Variants in QKI observed in about 807,000 individuals in gnomAD.
QKI encodes the protein QKI, KH domain containing RNA binding.
QKI carries 10 observed loss-of-function variants against 39.0 expected under a neutral mutation model. The observed-to-expected ratio is 0.26, with a 90% CI of 0.16 to 0.43. The LOEUF is 0.43. QKI is among the 20% of genes least tolerant of loss of function. The pLI, the probability that QKI is intolerant of heterozygous loss-of-function variation, is 1.00. For synonymous variants in QKI, 204 were observed against 155.4 expected, an observed-to-expected ratio of 1.31 and a Z score of -2.33; for missense variants, 218 against 428.0, an observed-to-expected ratio of 0.51 and a Z score of 4.33.
At chr6:163,569,554 G>A in intron 7 of QKI, 1 of 1,189,922 alleles carries the variant, frequency 8.4e-7, no homozygotes, top group Non-Finnish European at 1.1e-6. Flanking sequence ...GTTTGGTGAA[G>A]CAGAATGTGA....
At chr6:163,495,537 ATAGT>A (rs1300842366) in intron 3 of QKI, among the ~76,000 whole-genome samples, 2 of 152,152 alleles carry the variant, frequency 1.3e-5, no homozygotes, top group East Asian at 1.9e-4. Flanking sequence ...ATTCTTTTAC[ATAGT>A]TACTTTATCA....
At chr6:163,494,079 A>G (rs1318799904) in intron 3 of QKI, among the ~76,000 whole-genome samples, 5 of 151,146 alleles carry the variant, frequency 3.3e-5, no homozygotes, top group African/African-American at 7.3e-5. Flanking sequence ...TTGGCCCTCC[A>G]TACTGCAGGC....
chr6:163,486,017 A>G (rs568903138), intron 3 of QKI, among the ~76,000 whole-genome samples: 114 of 152,360 alleles, frequency 7.5e-4, no homozygotes, highest in Admixed American at 4.3e-3. Flanking sequence ...CCTGGGCCGC[A>G]TGCGGCCTAT....
rs35897463 is a variant in QKI at position 163,474,787 on chromosome 6, T to TAAAAAAAAAAA, written c.286-3983_286-3973dup. Among the ~76,000 whole-genome samples the TAAAAAAAAAAA allele has an allele frequency of 1.8e-5, 2 of 108,632 alleles. 1 individual carries two copies. The highest frequency in any genetic ancestry group is 3.6e-5 in the Non-Finnish European group (2 of 55,794). The allele number at this position is 108,632 out of a possible 152,430, so 71.3% of individuals were successfully genotyped here. On this transcript the variant is annotated intron_variant, in intron 2 of 7. Coordinates refer to ENST00000361752, the MANE Select transcript of QKI (RefSeq NM_006775.3). ...TGAGACCTGATGTCTACAAAAAAGT[T>TAAAAAAAAAAA]AAAAAAAAAAAAAAAAAAAAGCCAG...
chr6:163,423,945 CAATGAT>C (rs1172742871), intron 1 of QKI, among the ~76,000 whole-genome samples: 1 of 152,044 alleles, frequency 6.6e-6, no homozygotes, highest in Non-Finnish European at 1.5e-5. Flanking sequence ...GTAAACAGCC[CAATGAT>C]ATATCAGGTA....
At chr6:163,499,917 C>T (rs1202514383) in intron 3 of QKI, among the ~76,000 whole-genome samples, 1 of 152,016 alleles carries the variant, frequency 6.6e-6, no homozygotes, top group Non-Finnish European at 1.5e-5. Context: ...ATAATAATGC[C>T]AGGCAATGTA....
chr6:163,513,113 C>T (rs9458841), intron 3 of QKI, among the ~76,000 whole-genome samples: 6,150 of 152,138 alleles, frequency 0.04, 138 homozygotes, highest in African/African-American at 0.063. Flanking sequence ...ATAAGTTAAT[C>T]TTTATCATAG....
intron 1 of QKI, among the ~76,000 whole-genome samples, chr6:163,453,769 A>G (rs2128218853): frequency 6.6e-6 from 1 of 152,328 alleles, no homozygotes; most frequent in Non-Finnish European, 1.5e-5. Flanking sequence ...AGAGAAAAGC[A>G]TTTCGTAAGC....
At chr6:163,523,677 ATG>A (rs1426386194) in intron 3 of QKI, among the ~76,000 whole-genome samples, 6 of 152,252 alleles carry the variant, frequency 3.9e-5, no homozygotes, top group Admixed American at 3.3e-4. Flanking sequence ...GTTTATACAT[ATG>A]TGAGACAAAT....
At chr6:163,560,111 T>C (rs920330751) in intron 4 of QKI, among the ~76,000 whole-genome samples, 5 of 152,134 alleles carry the variant, frequency 3.3e-5, no homozygotes, top group African/African-American at 7.2e-5. Flanking sequence ...CAGTCACTTA[T>C]AAGTTCTAGT....
chr6:163,451,044 A>C (rs994460795), intron 1 of QKI, among the ~76,000 whole-genome samples: 1 of 152,212 alleles, frequency 6.6e-6, no homozygotes, highest in Non-Finnish European at 1.5e-5. Flanking sequence ...ATCCTTAAAG[A>C]ATAAAGAATA....
At position 163,563,639 on chromosome 6, in the gene QKI, A is replaced by G. The variant is rs1431256473; in HGVS notation, c.854A>G (p.Tyr285Cys). The G allele has an allele frequency of 3.1e-6, 5 of 1,613,982 alleles. No individual in the cohort carries two copies. The highest frequency in any genetic ancestry group is 1.6e-4 in the Middle Eastern group (1 of 6,084). ...VPPGPEAGLI[Y>C]TPYEYPYTLA... is the part of the protein sequence containing the mutation. ...CCAGGGCCCGAAGCTGGTTTAATCT[A>G]TACACCCTATGAGTACCCCTACACA... The change falls in exon 6 of 8, where the codon TAT (tyrosine) becomes TGT (cysteine). Residue 285 changes from tyrosine to cysteine, a missense_variant. Tyr to Cys is a radical substitution (Grantham distance 194). Coordinates refer to ENST00000361752, the MANE Select transcript of QKI (RefSeq NM_006775.3).
At position 163,538,427 on chromosome 6, in the gene QKI, G is replaced by C. The variant is rs184282676; in HGVS notation, c.546+3302G>C. 2.6e-5 allele frequency among the ~76,000 whole-genome samples: 4 copies of C among 152,240 alleles called. No homozygotes were observed. The East Asian group carries it at 7.7e-4, about 29-fold the overall frequency. On this transcript the variant is annotated intron_variant, in intron 4 of 7. Coordinates refer to ENST00000361752, the MANE Select transcript of QKI (RefSeq NM_006775.3). ...AAGAAAAAACCTTAGCGAAAAGTGC[G>C]GTGGCCCTGAGGCATGTTCAGAGAG...
intron 1 of QKI, among the ~76,000 whole-genome samples, chr6:163,439,923 TAC>T (rs1336118513): frequency 2.0e-5 from 3 of 152,178 alleles, no homozygotes; most frequent in Non-Finnish European, 4.4e-5. Context: ...GTGCTGGAAT[TAC>T]AGACGTGAGC....
At chr6:163,466,127 CAAA>C (rs36094925) in intron 2 of QKI, among the ~76,000 whole-genome samples, 1 of 84,398 alleles carries the variant, frequency 1.2e-5, no homozygotes, top group Non-Finnish European at 2.4e-5. Flanking sequence ...AACTCCATCT[CAAA>C]AAAAAAAAAA....
In QKI at chr6:163,570,830, C is replaced by CT; in HGVS notation, c.*122dup. The CT allele has an allele frequency of 7.7e-7, 1 of 1,302,428 alleles. No individual in the cohort carries two copies. Among genetic ancestry groups the CT allele is most frequent in the Non-Finnish European group, 1.0e-6 (1 of 958,784 alleles). The allele number at this position is 1,302,428 out of a possible 1,614,324, so 80.7% of individuals were successfully genotyped here. ...GTCGTCAGTGCAGCGAGCTGAGGCACTTGTCCGTTCGTCTTACCATCTAAC... is the reference window on the plus strand; with the variant it reads ...GTCGTCAGTGCAGCGAGCTGAGGCACTTTGTCCGTTCGTCTTACCATCTAAC... On this transcript the variant is annotated 3_prime_UTR_variant, in exon 8 of 8. Transcript: ENST00000361752.
chr6:163,534,026 ATTGT>A (rs1781041113), intron 3 of QKI, among the ~76,000 whole-genome samples: 2 of 152,146 alleles, frequency 1.3e-5, no homozygotes, highest in South Asian at 2.1e-4. Flanking sequence ...GCAGATATTT[ATTGT>A]TTGTCTGTGG....
intron 1 of QKI, among the ~76,000 whole-genome samples, chr6:163,428,355 C>T (rs1290106589): frequency 6.6e-6 from 1 of 152,144 alleles, no homozygotes; most frequent in Non-Finnish European, 1.5e-5. Context: ...GTGACTGAGT[C>T]ACATATATTG....
intron 3 of QKI, among the ~76,000 whole-genome samples, chr6:163,530,205 T>G (rs1319641751): frequency 1.3e-5 from 2 of 152,172 alleles, no homozygotes; most frequent in South Asian, 4.1e-4. Flanking sequence ...AACATAATTG[T>G]AAAAAGAAAC....
Sources: allele counts gnomAD v4.1 joint callset (sites outside exome capture counted in the v4.1 genomes callset), GRCh38; gene constraint gnomAD v4.1.1; transcripts MANE v1.5; gene names NCBI Gene and HGNC (gene_info 2026-07-23, HGNC 2026-07-21).